GAB2: variants seen among roughly 807,000 people sequenced by gnomAD.
The protein encoded by GAB2 is GRB2 associated binding protein 2.
A neutral mutation model predicts 65.5 loss-of-function variants in GAB2; 26 were observed. The observed-to-expected ratio is 0.40, with a 90% confidence interval of 0.29 to 0.55. The LOEUF (loss-of-function observed/expected upper bound fraction) is 0.55, where lower values mean the gene tolerates loss of function less well. Ranked by LOEUF, GAB2 falls within the 20% of genes least tolerant of loss-of-function variation. The probability of loss-of-function intolerance (pLI) is 0.53; values close to 1 mark genes in which losing one functional copy is unlikely to be tolerated. For synonymous variants in GAB2, 321 were observed against 329.6 expected (o/e 0.97, Z 0.28); for missense variants, 884 against 875.8 (o/e 1.01, Z -0.12).
chr11:78,307,129 A>C (rs981946346), intron 1 of GAB2, among the ~76,000 whole-genome samples: 2 of 152,188 alleles, frequency 1.3e-5, no homozygotes, highest in Admixed American at 6.5e-5. Flanking sequence ...CCTTATGTGA[A>C]CTCATAACCT....
chr11:78,230,429 T>C (rs1864807201), intron 3 of GAB2, among the ~76,000 whole-genome samples: 1 of 152,262 alleles, frequency 6.6e-6, no homozygotes, highest in African/African-American at 2.4e-5. Flanking sequence ...ACAAGAAGCC[T>C]TTTCACTCTA....
At chr11:78,272,268 G>A (rs1434976400) in intron 2 of GAB2, among the ~76,000 whole-genome samples, 8 of 152,122 alleles carry the variant, frequency 5.3e-5, no homozygotes, top group African/African-American at 1.2e-4. Context: ...AACAGTTTGC[G>A]GGGCTCAGAA....
intron 3 of GAB2, 113 bp from the exon 4 acceptor site, chr11:78,227,164 G>A: frequency 1.5e-6 from 1 of 683,500 alleles, no homozygotes; most frequent in South Asian, 1.7e-5. Context: ...GTAAAATGGT[G>A]ACTAAAAGCA....
chr11:78,260,679 C>T (rs1235374268), intron 2 of GAB2, among the ~76,000 whole-genome samples: 1 of 152,126 alleles, frequency 6.6e-6, no homozygotes, highest in Non-Finnish European at 1.5e-5. Flanking sequence ...ACCATGTTGG[C>T]CAGGCTGGTC....
At chr11:78,253,004 CTTTTTTT>C (rs984989129) in intron 2 of GAB2, among the ~76,000 whole-genome samples, 10 of 106,948 alleles carry the variant, frequency 9.4e-5, no homozygotes, top group Admixed American at 1.1e-4. Flanking sequence ...AATATCTTTC[CTTTTTTT>C]TTTTTTTTTT....
At chr11:78,402,425 T>A (rs976744979) in intron 1 of GAB2, among the ~76,000 whole-genome samples, 2 of 151,996 alleles carry the variant, frequency 1.3e-5, no homozygotes, top group East Asian at 1.9e-4. Flanking sequence ...CATTTTTGTT[T>A]AAAAAAAATT....
At chr11:78,237,532 G>A (rs1865013527) in intron 3 of GAB2, among the ~76,000 whole-genome samples, 1 of 152,096 alleles carries the variant, frequency 6.6e-6, no homozygotes, top group South Asian at 2.1e-4. Flanking sequence ...CTAGGAATGA[G>A]GTAAGGGAAG....
chr11:78,330,399 G>A (rs774871737), intron 1 of GAB2, among the ~76,000 whole-genome samples: 12 of 152,206 alleles, frequency 7.9e-5, no homozygotes, highest in Non-Finnish European at 1.2e-4. Flanking sequence ...AAGGCTTTGC[G>A]TTTTGGAGTT....
chr11:78,312,170 A>G (rs919959431), intron 1 of GAB2, among the ~76,000 whole-genome samples: 2 of 149,872 alleles, frequency 1.3e-5, no homozygotes, highest in Non-Finnish European at 3.0e-5. Flanking sequence ...CTGAGCCAGC[A>G]TGACCTGTGG....
intron 1 of GAB2, among the ~76,000 whole-genome samples, chr11:78,366,658 T>A (rs990748933): frequency 6.7e-6 from 1 of 148,236 alleles, no homozygotes; most frequent in Non-Finnish European, 1.5e-5. Flanking sequence ...GGGGGTTAAT[T>A]TACCCTGCTA....
chr11:78,312,583 GC>G (rs1404441763), intron 1 of GAB2, among the ~76,000 whole-genome samples: 1 of 152,048 alleles, frequency 6.6e-6, no homozygotes, highest in African/African-American at 2.4e-5. Flanking sequence ...CCACCACCAT[GC>G]CCCGCTAATT....
Position 78,267,629 on chromosome 11 carries a change from C to T in GAB2, c.376+12972G>A, listed in dbSNP as rs150630402. Among the ~76,000 whole-genome samples, 13 of 151,938 alleles carry T rather than the reference C, an allele frequency of 8.6e-5. No homozygotes were observed. In the East Asian group the frequency reaches 1.9e-3, roughly 23 times the overall value. On this transcript the variant is annotated intron_variant, in intron 2 of 9. Coordinates refer to ENST00000361507, the MANE Select transcript of GAB2 (RefSeq NM_080491.3). The stretch of plus-strand genomic sequence containing the variant: ...ATCCCAGCACTTTGGGAGGTCGAGG[C>T]GGGTAGATGACGAGGTCAGGAGATC...
chr11:78,302,440 G>A (rs145027298), intron 1 of GAB2, among the ~76,000 whole-genome samples: 174 of 152,032 alleles, frequency 1.1e-3, no homozygotes, highest in African/African-American at 4.0e-3. Context: ...AATGCTCAAC[G>A]TCACTAATGA....
At chr11:78,321,041 T>G (rs529810014) in intron 1 of GAB2, among the ~76,000 whole-genome samples, 1 of 152,296 alleles carries the variant, frequency 6.6e-6, no homozygotes, top group African/African-American at 2.4e-5. Flanking sequence ...GTTTCTAGCT[T>G]GAGCCAACTA....
At chr11:78,312,462 G>T (rs951475563) in intron 1 of GAB2, among the ~76,000 whole-genome samples, 28 of 152,208 alleles carry the variant, frequency 1.8e-4, no homozygotes, top group African/African-American at 6.8e-4. Context: ...GTCTCGCTCT[G>T]TCGCCCAGGC....
At chr11:78,347,786 G>T (rs747629704) in intron 1 of GAB2, among the ~76,000 whole-genome samples, 1 of 152,074 alleles carries the variant, frequency 6.6e-6, no homozygotes, top group East Asian at 1.9e-4. Context: ...CAAAGCTTTT[G>T]TTCCTCAAAT....
intron 1 of GAB2, among the ~76,000 whole-genome samples, chr11:78,304,283 T>C (rs1036773823): frequency 7.2e-5 from 11 of 152,218 alleles, no homozygotes; most frequent in Non-Finnish European, 1.5e-4. Flanking sequence ...CACAAGATTA[T>C]GCAAACATCA....
chr11:78,394,117 T>A (rs1204829300), intron 1 of GAB2, among the ~76,000 whole-genome samples: 2 of 151,968 alleles, frequency 1.3e-5, no homozygotes, highest in East Asian at 3.9e-4. Flanking sequence ...TGAAACCCCA[T>A]GTCTACTAAA....
At position 78,376,077 on chromosome 11, in the gene GAB2, G is replaced by T. The variant is rs186971779; in HGVS notation, c.75+41569C>A. ...AAGTATAATTAGAGGGGAAATATGGGGGAAATGTTAATCATATGTATACGA... is the reference window on the plus strand; with the variant it reads ...AAGTATAATTAGAGGGGAAATATGGTGGAAATGTTAATCATATGTATACGA... On this transcript the variant is annotated intron_variant, in intron 1 of 9. Transcript: ENST00000361507. 5.5e-4 allele frequency among the ~76,000 whole-genome samples: 84 copies of T among 152,324 alleles called. 1 individual carries two copies. Among genetic ancestry groups the T allele is most frequent in the African/African-American group, 1.7e-3 (71 of 41,572 alleles).
Sources: gnomAD v4.1 joint callset for allele counts (sites outside exome capture counted in the v4.1 genomes callset) on GRCh38, gnomAD v4.1.1 for gene constraint, MANE v1.5 for transcripts, NCBI Gene and HGNC (gene_info 2026-07-23, HGNC 2026-07-21) for gene names.